Variants in CDK5RAP2 observed in about 807,000 individuals in gnomAD.
CDK5RAP2 encodes the protein CDK5 regulatory subunit-associated protein 2.
CDK5RAP2 carries 147 observed loss-of-function variants against 232.9 expected under a neutral mutation model. The ratio of observed to expected loss-of-function variants is 0.63; its 90% CI spans 0.55 to 0.72. The LOEUF is 0.72. Among genes scored for constraint, CDK5RAP2 ranks in the 30% least tolerant of loss-of-function variants. The pLI, the probability that CDK5RAP2 is intolerant of heterozygous loss-of-function variation, is 0.00. For synonymous variants in CDK5RAP2, 833 were observed against 833.7 expected (o/e 1.00, Z 0.01); for missense variants, 2,195 against 2,231.5 (o/e 0.98, Z 0.33).
intron 13 of CDK5RAP2, among the ~76,000 whole-genome samples, chr9:120,488,767 T>TA (rs1359795786): frequency 2.0e-5 from 3 of 152,256 alleles, no homozygotes; most frequent in African/African-American, 7.2e-5. Context: ...AACTTAGCCA[T>TA]ATGGTGTTCC....
intron 21 of CDK5RAP2, among the ~76,000 whole-genome samples, chr9:120,448,995 T>A (rs2036346847): frequency 6.6e-6 from 1 of 152,168 alleles, no homozygotes; most frequent in Non-Finnish European, 1.5e-5. Flanking sequence ...AAGACAAACC[T>A]ACTACTCCTC....
chr9:120,543,008 A>G (rs1308443186), intron 5 of CDK5RAP2, among the ~76,000 whole-genome samples: 1 of 152,152 alleles, frequency 6.6e-6, no homozygotes, highest in Admixed American at 6.5e-5. Context: ...CAAAAGCAAG[A>G]ACATTTTAGC....
intron 6 of CDK5RAP2, 164 bp from the exon 7 acceptor site, chr9:120,536,690 C>T: frequency 1.3e-6 from 1 of 767,718 alleles, no homozygotes; most frequent in Non-Finnish European, 2.2e-6. Flanking sequence ...ATACATTTGC[C>T]AGCCATTTTT....
chr9:120,481,366 C>T (rs1006708703), intron 14 of CDK5RAP2, among the ~76,000 whole-genome samples: 1 of 152,074 alleles, frequency 6.6e-6, no homozygotes, highest in African/African-American at 2.4e-5. Flanking sequence ...ATAAGAAAAG[C>T]CAGTGACAAA....
rs766533215 is a variant in CDK5RAP2 at position 120,579,982 on chromosome 9, T to C, written c.-4A>G. 3 of 1,603,246 alleles carry C rather than the reference T, an allele frequency of 1.9e-6. No homozygotes were observed. In the African/African-American group the frequency reaches 4.0e-5, roughly 21 times the overall value. The stretch of plus-strand genomic sequence containing the variant: ...CTTCCAACACCAAGTCCATCATGGC[T>C]ACAGAGGTGGCGACAGCGTTGGTGT... On this transcript the variant is annotated 5_prime_UTR_variant, in exon 1 of 38. Transcript: ENST00000349780.
At chr9:120,537,488 G>A (rs560095146) in intron 6 of CDK5RAP2, among the ~76,000 whole-genome samples, 52 of 152,242 alleles carry the variant, frequency 3.4e-4, no homozygotes, top group African/African-American at 1.2e-3. Flanking sequence ...AACAAAGCCT[G>A]TTATTTACTA....
chr9:120,537,549 T>A (rs1248797909), intron 6 of CDK5RAP2, among the ~76,000 whole-genome samples: 2 of 152,152 alleles, frequency 1.3e-5, no homozygotes, highest in Admixed American at 6.5e-5. Context: ...CCCATCTGCA[T>A]CCAACCCTAA....
intron 3 of CDK5RAP2, among the ~76,000 whole-genome samples, chr9:120,565,673 G>A (rs923400903): frequency 3.3e-5 from 5 of 152,108 alleles, no homozygotes; most frequent in African/African-American, 1.2e-4. Context: ...ATTTGCACAT[G>A]TGAGTCCCTG....
chr9:120,514,262 G>A (rs565046424), intron 12 of CDK5RAP2, among the ~76,000 whole-genome samples: 8 of 152,276 alleles, frequency 5.3e-5, no homozygotes, highest in African/African-American at 1.7e-4. Context: ...GTATACAGCT[G>A]CTTTTGGTCT....
At chr9:120,450,347 C>T (rs2036416454) in intron 21 of CDK5RAP2, among the ~76,000 whole-genome samples, 1 of 152,058 alleles carries the variant, frequency 6.6e-6, no homozygotes, top group South Asian at 2.1e-4. Flanking sequence ...TTGCCTAGGG[C>T]TGGGGTGGGC....
intron 36 of CDK5RAP2, among the ~76,000 whole-genome samples, chr9:120,392,923 G>A (rs144124542): frequency 5.9e-4 from 90 of 152,202 alleles, no homozygotes; most frequent in African/African-American, 1.8e-3. Flanking sequence ...TGTAATACAC[G>A]CATGGACCCC....
chr9:120,546,686 G>A lies in CDK5RAP2; in HGVS notation c.307-896C>T, dbSNP rs1218091635. 3.3e-5 allele frequency among the ~76,000 whole-genome samples: 5 copies of A among 152,194 alleles called. No homozygotes were observed. The South Asian group carries it at 8.3e-4, about 25-fold the overall frequency. Reference sequence around the variant, plus strand: ...GCTCTGCTGTTGCCCAGCCTGGAGTGCAGTGGTACTATCATAGCTCACTGC... The same window carrying A: ...GCTCTGCTGTTGCCCAGCCTGGAGTACAGTGGTACTATCATAGCTCACTGC... On this transcript the variant is annotated intron_variant, in intron 4 of 37. Coordinates refer to ENST00000349780, the MANE Select transcript of CDK5RAP2 (RefSeq NM_018249.6).
chr9:120,443,827 T>C (rs1399939351), intron 22 of CDK5RAP2, 85 bp from the exon 23 acceptor site: 2 of 1,573,770 alleles, frequency 1.3e-6, no homozygotes, highest in Non-Finnish European at 8.7e-7. Context: ...AACACAAAGA[T>C]ACAACAGGGA....
chr9:120,469,549 T>G (rs2131516456), intron 17 of CDK5RAP2, among the ~76,000 whole-genome samples: 2 of 152,342 alleles, frequency 1.3e-5, no homozygotes. Flanking sequence ...TTTCAGAACC[T>G]TGAAACACTA....
chr9:120,448,206 CT>C, intron 21 of CDK5RAP2, 80 bp from the exon 22 acceptor site: 1 of 1,224,212 alleles, frequency 8.2e-7, no homozygotes, highest in Non-Finnish European at 1.2e-6. Flanking sequence ...TCATGCCAGC[CT>C]TATAAAACGG....
chr9:120,471,226 G>A (rs947525927), intron 16 of CDK5RAP2, among the ~76,000 whole-genome samples: 1 of 152,216 alleles, frequency 6.6e-6, no homozygotes, highest in Non-Finnish European at 1.5e-5. Context: ...AGTTCTACCA[G>A]GGGAGAGGGT....
Position 120,536,476 on chromosome 9 carries a change from C to G in CDK5RAP2, c.558G>C (p.Glu186Asp). 1 of 1,614,166 alleles carries G rather than the reference C, an allele frequency of 6.2e-7. No homozygotes were observed. The highest frequency in any genetic ancestry group is 1.7e-5 in the Admixed American group (1 of 60,026). ...AELEKAFAGT[E>D]TEKALRLRLE... ...AACGCAACCGAAGAGCCTTCTCCGT[C>G]TCTGTCCCTGCAAAGGCCTTTTCCA... The change falls in exon 7 of 38, where the codon GAG (glutamate) becomes GAC (aspartate). Residue 186 changes from glutamate (E) to aspartate (D), a missense_variant. Physicochemically the swap from Glu to Asp is conservative, Grantham distance 45. Coordinates refer to ENST00000349780, the MANE Select transcript of CDK5RAP2 (RefSeq NM_018249.6).
At chr9:120,563,755 G>A (rs1021053462) in intron 3 of CDK5RAP2, among the ~76,000 whole-genome samples, 4 of 152,200 alleles carry the variant, frequency 2.6e-5, no homozygotes, top group Non-Finnish European at 4.4e-5. Flanking sequence ...AAGTGGGGCA[G>A]GGGTGGAAGG....
chr9:120,432,972 G>C (rs571758442), intron 25 of CDK5RAP2, among the ~76,000 whole-genome samples: 1 of 152,182 alleles, frequency 6.6e-6, no homozygotes. Context: ...TAGCTACAAG[G>C]AAGTAGGTTT....
Sources: gnomAD v4.1 joint callset for allele counts (sites outside exome capture counted in the v4.1 genomes callset) on GRCh38, gnomAD v4.1.1 for gene constraint, MANE v1.5 for transcripts, NCBI Gene and HGNC (gene_info 2026-07-23, HGNC 2026-07-21) for gene names.